The following IREB2 variants were observed in gnomAD, a reference collection of about 807,000 sequenced individuals.
IREB2 encodes the protein iron responsive element binding protein 2, also known as iron-responsive element-binding protein 2.
IREB2 carries 39 observed loss-of-function variants against 118.8 expected under a neutral mutation model. That is an observed-to-expected ratio of 0.33 (90% CI 0.25 to 0.43). IREB2 has a LOEUF of 0.43. Among genes scored for constraint, IREB2 ranks in the 20% least tolerant of loss-of-function variants. IREB2 has a pLI of 1.00. For missense variants in IREB2, 900 were observed against 1,147.3 expected, an observed-to-expected ratio of 0.78 and a Z score of 3.11; for synonymous variants, 372 against 392.2, an observed-to-expected ratio of 0.95 and a Z score of 0.61.
intron 2 of IREB2, among the ~76,000 whole-genome samples, chr15:78,453,602 A>G (rs750196527): frequency 2.0e-5 from 3 of 152,194 alleles, no homozygotes; most frequent in Non-Finnish European, 4.4e-5. Flanking sequence ...CCTATAGAGA[A>G]GTTATCATTT....
In IREB2 at chr15:78,489,378, A is replaced by C. The variant is rs138598384; in HGVS notation, c.2076+607A>C. On this transcript the variant is annotated intron_variant, in intron 16 of 21. Coordinates refer to ENST00000258886, the MANE Select transcript of IREB2 (RefSeq NM_004136.4). ...ACCCCAGAAGTTAAAATAACAGTTGAGGGGGGAAAAGAAAGAATTGATTAG... is the reference window on the plus strand; with the variant it reads ...ACCCCAGAAGTTAAAATAACAGTTGCGGGGGGAAAAGAAAGAATTGATTAG... 3.2e-3 allele frequency among the ~76,000 whole-genome samples: 480 copies of C among 152,316 alleles called. 2 individuals carry two copies. The highest frequency in any genetic ancestry group is 0.011 in the African/African-American group (461 of 41,580).
At chr15:78,491,178 T>C (rs994706896) in intron 18 of IREB2, among the ~76,000 whole-genome samples, 5 of 152,124 alleles carry the variant, frequency 3.3e-5, no homozygotes, top group African/African-American at 1.2e-4. Flanking sequence ...CATGTACGTG[T>C]GTGAGGCTGG....
upstream of IREB2, chr15:78,438,049 C>T (rs2050779319): frequency 6.2e-6 from 3 of 482,990 alleles, no homozygotes; most frequent in African/African-American, 3.9e-5. Context: ...CCCAGCGCTC[C>T]GCCCCCGCTC....
chr15:78,439,433 A>G (rs563700648), intron 1 of IREB2, among the ~76,000 whole-genome samples: 7 of 152,264 alleles, frequency 4.6e-5, no homozygotes, highest in Admixed American at 6.5e-5. Context: ...GATTATTTAA[A>G]TCATTCTTAT....
At chr15:78,491,983 T>G (rs1452932671) in intron 18 of IREB2, among the ~76,000 whole-genome samples, 1 of 152,208 alleles carries the variant, frequency 6.6e-6, no homozygotes, top group Non-Finnish European at 1.5e-5. Context: ...ATTTTTGTAA[T>G]TATTATGCCT....
At chr15:78,484,350 G>C (rs2051623557) in intron 11 of IREB2, among the ~76,000 whole-genome samples, 1 of 152,112 alleles carries the variant, frequency 6.6e-6, no homozygotes, top group Non-Finnish European at 1.5e-5. Flanking sequence ...GCAACTCATA[G>C]CCAATCTTGT....
chr15:78,490,308 G>T (rs376562319), intron 16 of IREB2, 114 bp from the exon 17 acceptor site: 8 of 523,722 alleles, frequency 1.5e-5, no homozygotes, highest in Middle Eastern at 2.9e-4. Context: ...GCCTATTTTT[G>T]TTGTTGTTGT....
At chr15:78,459,058 C>T (rs1412294933) in intron 2 of IREB2, among the ~76,000 whole-genome samples, 2 of 152,012 alleles carry the variant, frequency 1.3e-5, no homozygotes, top group South Asian at 2.1e-4. Flanking sequence ...TCCCAAAGTG[C>T]GGGGATTACA....
intron 2 of IREB2, among the ~76,000 whole-genome samples, chr15:78,450,510 C>G (rs945670207): frequency 6.6e-6 from 1 of 152,100 alleles, no homozygotes; most frequent in Non-Finnish European, 1.5e-5. Context: ...AGTAGGCCAC[C>G]CTCTGGAGTG....
intron 2 of IREB2, among the ~76,000 whole-genome samples, chr15:78,443,757 G>A (rs199830583): frequency 3.3e-5 from 5 of 151,788 alleles, no homozygotes; most frequent in South Asian, 2.1e-4. Flanking sequence ...AACGATTCTC[G>A]TGCCTCAGCC....
intron 2 of IREB2, among the ~76,000 whole-genome samples, chr15:78,449,778 C>T (rs759679610): frequency 6.6e-6 from 1 of 152,090 alleles, no homozygotes; most frequent in Non-Finnish European, 1.5e-5. Flanking sequence ...GGATGCTTCC[C>T]GTATACAAAT....
chr15:78,458,444 A>G (rs2051140994), intron 2 of IREB2, among the ~76,000 whole-genome samples: 1 of 152,126 alleles, frequency 6.6e-6, no homozygotes, highest in Non-Finnish European at 1.5e-5. Context: ...CTGTGAACCT[A>G]CAACTTCTCT....
Position 78,439,843 on chromosome 15 carries a change from A to G in IREB2, c.68A>G (p.Lys23Arg). 15 of 1,603,042 alleles carry G rather than the reference A, an allele frequency of 9.4e-6. No individual in the cohort carries two copies. Among genetic ancestry groups the G allele is most frequent in the Non-Finnish European group, 1.3e-5 (15 of 1,174,838 alleles). Residue 23 changes from lysine to arginine, a missense_variant, in exon 2 of 22, where the codon AAG becomes AGG. Transcript: ENST00000258886. ...GAAACATTAAATGACAGTTCACATAAGAAGTTCTTCGATGTATCTAAACTT... is the reference window on the plus strand; with the variant it reads ...GAAACATTAAATGACAGTTCACATAGGAAGTTCTTCGATGTATCTAAACTT... ...LIETLNDSSH[K>R]KFFDVSKLGT...
rs1017900191 is a variant in IREB2 at position 78,485,854 on chromosome 15, A to G, written c.1709+14A>G. The stretch of plus-strand genomic sequence containing the variant: ...AAGTAAGCTTGGGTAAGTAACAGCT[A>G]TCGCACTTCATATTGATATTGGTGT... On this transcript the variant is annotated intron_variant, in intron 13 of 21. Coordinates refer to ENST00000258886, the MANE Select transcript of IREB2 (RefSeq NM_004136.4). 5 of 1,608,876 alleles carry G rather than the reference A, an allele frequency of 3.1e-6. No homozygotes were observed. The highest frequency in any genetic ancestry group is 1.7e-5 in the Admixed American group (1 of 59,666).
At chr15:78,470,867 G>T (rs1415146627) in intron 6 of IREB2, 3 of 220,476 alleles carry the variant, frequency 1.4e-5, no homozygotes, top group Non-Finnish European at 2.6e-5. Context: ...GCTAATTTTT[G>T]TATTTTTAGT....
intron 18 of IREB2, among the ~76,000 whole-genome samples, chr15:78,492,015 C>T (rs577151257): frequency 1.3e-5 from 2 of 152,288 alleles, no homozygotes; most frequent in East Asian, 3.9e-4. Flanking sequence ...TTTCTTAGCA[C>T]ATTTAATCCA....
chr15:78,478,465 G>A (rs758977086), intron 10 of IREB2, 68 bp downstream of exon 10: 62 of 915,576 alleles, frequency 6.8e-5, no homozygotes, highest in Non-Finnish European at 1.0e-4. Flanking sequence ...CGCTTTGAAA[G>A]GTTGGGGTGG....
chr15:78,494,480 C>T (rs1003837735), intron 20 of IREB2, among the ~76,000 whole-genome samples: 3 of 152,048 alleles, frequency 2.0e-5, no homozygotes, highest in African/African-American at 7.2e-5. Context: ...TTGGTAAAAC[C>T]TACATCAGTC....
chr15:78,478,475 G>A, intron 10 of IREB2, 78 bp downstream of exon 10: 1 of 877,224 alleles, frequency 1.1e-6, no homozygotes, highest in Non-Finnish European at 1.9e-6. Context: ...GGTTGGGGTG[G>A]GTTGATTGTT....
Sources: allele counts gnomAD v4.1 joint callset (sites outside exome capture counted in the v4.1 genomes callset), GRCh38; gene constraint gnomAD v4.1.1; transcripts MANE v1.5; gene names NCBI Gene and HGNC (gene_info 2026-07-23, HGNC 2026-07-21).